CYP4Z1: variants seen among roughly 807,000 people sequenced by gnomAD.
CYP4Z1 encodes the protein cytochrome P450 family 4 subfamily Z member 1.
A neutral mutation model predicts 54.2 loss-of-function variants in CYP4Z1; 41 were observed. That is an observed-to-expected ratio of 0.76 (90% CI 0.59 to 0.98). CYP4Z1 has a LOEUF of 0.98. Among genes scored for constraint, CYP4Z1 ranks in the 50% least tolerant of loss-of-function variants. CYP4Z1 has a pLI of 0.00. For missense variants in CYP4Z1, 513 were observed against 599.0 expected, an observed-to-expected ratio of 0.86 and a Z score of 1.50; for synonymous variants, 163 against 206.2, an observed-to-expected ratio of 0.79 and a Z score of 1.79.
intron 6 of CYP4Z1, among the ~76,000 whole-genome samples, chr1:47,087,577 G>T (rs1644605609): frequency 6.6e-6 from 1 of 152,136 alleles, no homozygotes; most frequent in East Asian, 1.9e-4. Context: ...TTGCTTATCA[G>T]CTTAAGGAGA....
At chr1:47,115,625 C>T (rs768947277) in intron 10 of CYP4Z1, 32 bp downstream of exon 10, 10 of 1,589,780 alleles carry the variant, frequency 6.3e-6, no homozygotes, top group Non-Finnish European at 8.6e-6. Flanking sequence ...CCAGTGGCAT[C>T]TAAGATAGCA....
rs770453315 is a variant in CYP4Z1, at chr1:47,117,859, G to A, written c.1443G>A (p.Arg481=). 1.2e-6 allele frequency: 2 copies of A among 1,613,514 alleles called. No homozygotes were observed. The highest frequency in any genetic ancestry group is 2.7e-5 in the African/African-American group (2 of 74,870). The change falls in exon 12 of 12, where the codon AGG becomes AGA. Residue 481 remains arginine, a synonymous_variant. Transcript: ENST00000334194. ...LRFKLAPDHS[R]PPQPVRQVVL... ...TCAAGCTGGCTCCAGACCACTCAAG[G>A]CCTCCCCAGCCTGTTCGTCAAGTTG... is the stretch of plus-strand genomic sequence containing the variant.
At chr1:47,076,641 C>T (rs1466120951) in intron 2 of CYP4Z1, among the ~76,000 whole-genome samples, 4 of 151,524 alleles carry the variant, frequency 2.6e-5, no homozygotes, top group East Asian at 1.9e-4. Flanking sequence ...GTCAGGAGAT[C>T]GAGACCATCC....
intron 9 of CYP4Z1, 169 bp from the exon 10 acceptor site, chr1:47,115,360 T>C (rs1644822076): frequency 1.8e-6 from 1 of 558,046 alleles, no homozygotes; most frequent in Non-Finnish European, 3.2e-6. Flanking sequence ...GACGAGTTAA[T>C]GGGTGCAGCA....
At chr1:47,114,737 C>T (rs989347394) in intron 9 of CYP4Z1, among the ~76,000 whole-genome samples, 4 of 152,160 alleles carry the variant, frequency 2.6e-5, no homozygotes, top group African/African-American at 9.7e-5. Flanking sequence ...AAATCAAAAC[C>T]ACAATGAGAT....
intron 6 of CYP4Z1, among the ~76,000 whole-genome samples, chr1:47,093,256 A>G (rs1466129647): frequency 6.6e-6 from 1 of 150,832 alleles, no homozygotes; most frequent in Non-Finnish European, 1.5e-5. Flanking sequence ...GGTGAAGGAC[A>G]AGACAGGGGA....
At position 47,084,877 on chromosome 1, in the gene CYP4Z1, A is replaced by G; in HGVS notation, c.671A>G (p.Gln224Arg). Residue 224 changes from glutamine to arginine, a missense_variant, in exon 6 of 12, where the codon CAG becomes CGG. Gln to Arg is a conservative substitution (Grantham distance 43). Coordinates refer to ENST00000334194, the MANE Select transcript of CYP4Z1 (RefSeq NM_178134.3). ...TTCAACCTTAGCAAAATCTCCAACC[A>G]GCGCATGAACAATTTTCTACATCAC... Reference protein sequence around the residue: ...AVFNLSKISNQRMNNFLHHND... With the variant: ...AVFNLSKISNRRMNNFLHHND... 1 of 1,532,216 alleles carries G rather than the reference A, an allele frequency of 6.5e-7. No homozygotes were observed. The highest frequency in any genetic ancestry group is 8.8e-7 in the Non-Finnish European group (1 of 1,140,690). The allele number at this position is 1,532,216 out of a possible 1,614,324, so 94.9% of individuals were successfully genotyped here.
chr1:47,097,205 T>G (rs769067110), intron 7 of CYP4Z1: 9 of 152,252 alleles, frequency 5.9e-5, no homozygotes, highest in Non-Finnish European at 1.2e-4. Flanking sequence ...CTTTATCCCA[T>G]CTATTATTGA....
At chr1:47,090,006 T>C (rs544398338) in intron 6 of CYP4Z1, among the ~76,000 whole-genome samples, 5 of 152,386 alleles carry the variant, frequency 3.3e-5, no homozygotes, top group Admixed American at 2.0e-4. Flanking sequence ...TTTCTGACTT[T>C]CATAGACCCT....
chr1:47,105,294 A>G (rs10890457), intron 8 of CYP4Z1, among the ~76,000 whole-genome samples: 65,207 of 151,788 alleles, frequency 0.43, 15,360 homozygotes, highest in East Asian at 0.96. Context: ...AGTCTGATGG[A>G]GGCTGAGCTC....
intron 6 of CYP4Z1, among the ~76,000 whole-genome samples, chr1:47,094,280 A>G (rs936332055): frequency 1.3e-5 from 2 of 152,140 alleles, no homozygotes; most frequent in Non-Finnish European, 2.9e-5. Context: ...TTTATGTACC[A>G]AGCACCTCTA....
At chr1:47,068,497 G>C in intron 1 of CYP4Z1, 125 bp from the exon 2 acceptor site, 1 of 1,271,422 alleles carries the variant, frequency 7.9e-7, no homozygotes, top group Non-Finnish European at 1.1e-6. Context: ...GCCTTCAACA[G>C]ATGTGAACCT....
intron 8 of CYP4Z1, among the ~76,000 whole-genome samples, chr1:47,105,684 G>C (rs1644751714): frequency 6.6e-6 from 1 of 152,082 alleles, no homozygotes; most frequent in Non-Finnish European, 1.5e-5. Flanking sequence ...TGCTATGTTG[G>C]TTCCTGTCTG....
chr1:47,096,492 T>G (rs963525597), intron 7 of CYP4Z1, among the ~76,000 whole-genome samples: 3 of 152,204 alleles, frequency 2.0e-5, no homozygotes, highest in African/African-American at 7.2e-5. Context: ...TTTTTTCTTT[T>G]TGATTTCCAA....
At chr1:47,111,625 A>G (rs750093636) in intron 9 of CYP4Z1, among the ~76,000 whole-genome samples, 2 of 152,266 alleles carry the variant, frequency 1.3e-5, no homozygotes, top group Non-Finnish European at 2.9e-5. Context: ...GTAATTAATA[A>G]GATAGACTTT....
chr1:47,111,305 T>C (rs1485943604), intron 9 of CYP4Z1, among the ~76,000 whole-genome samples: 9 of 152,056 alleles, frequency 5.9e-5, no homozygotes, highest in South Asian at 2.1e-4. Flanking sequence ...TGCCTCCACC[T>C]CCCAAGTAGC....
At chr1:47,085,425 C>T (rs1644585118) in intron 6 of CYP4Z1, among the ~76,000 whole-genome samples, 1 of 152,126 alleles carries the variant, frequency 6.6e-6, no homozygotes, top group Admixed American at 6.6e-5. Context: ...GGACTTAGGA[C>T]ATAGATAACT....
chr1:47,061,683 A>G, the CYP4Z1 span, among the ~76,000 whole-genome samples: 52 of 152,316 alleles, frequency 3.4e-4, 1 homozygote, highest in African/African-American at 1.2e-3. Flanking sequence ...CTCATTCTAT[A>G]AGACCAGCAT....
chr1:47,059,923 A>G, the CYP4Z1 span, among the ~76,000 whole-genome samples: 2 of 152,136 alleles, frequency 1.3e-5, no homozygotes, highest in Non-Finnish European at 2.9e-5. Context: ...CTTGCTCATT[A>G]TGTGAAGTCC....
Sources: allele counts gnomAD v4.1 joint callset (sites outside exome capture counted in the v4.1 genomes callset), GRCh38; gene constraint gnomAD v4.1.1; transcripts MANE v1.5; gene names NCBI Gene and HGNC (gene_info 2026-07-23, HGNC 2026-07-21).